Variants in LSAMP observed in about 807,000 individuals in gnomAD.
LSAMP encodes limbic system-associated membrane protein.
In LSAMP, 7 loss-of-function variants were observed where a neutral mutation model predicts 38.6. That is an observed-to-expected ratio of 0.18 (90% CI 0.10 to 0.34). The LOEUF (loss-of-function observed/expected upper bound fraction) is 0.34. LSAMP is among the 10% of genes least tolerant of loss of function. LSAMP has a pLI of 1.00. For synonymous variants in LSAMP, 154 were observed against 166.8 expected, an observed-to-expected ratio of 0.92 and a Z score of 0.59; for missense variants, 313 against 420.0, an observed-to-expected ratio of 0.75 and a Z score of 2.23.
chr3:115,818,038 A>G (rs1934086636), intron 6 of LSAMP, among the ~76,000 whole-genome samples: 1 of 152,220 alleles, frequency 6.6e-6, no homozygotes, highest in South Asian at 2.1e-4. Flanking sequence ...TGAGGCCCAG[A>G]GAGGTCATTT....
intron 1 of LSAMP, among the ~76,000 whole-genome samples, chr3:116,332,120 A>G (rs956782442): frequency 6.6e-6 from 1 of 152,096 alleles, no homozygotes; most frequent in African/African-American, 2.4e-5. Flanking sequence ...GATTACAGGC[A>G]TGAGCCACCA....
chr3:115,913,219 GA>G (rs34004172), intron 3 of LSAMP, among the ~76,000 whole-genome samples: 2 of 152,096 alleles, frequency 1.3e-5, no homozygotes, highest in Admixed American at 6.5e-5. Context: ...TAAATTAAGA[GA>G]AAAAAACTGG....
At chr3:115,928,973 G>GT (rs67711628) in intron 3 of LSAMP, among the ~76,000 whole-genome samples, 7,555 of 109,878 alleles carry the variant, frequency 0.069, 472 homozygotes, top group African/African-American at 0.09. Flanking sequence ...TTTTTTGTTT[G>GT]TTTTTTTTTT....
At chr3:116,305,783 A>G (rs1316369282) in intron 1 of LSAMP, among the ~76,000 whole-genome samples, 1 of 151,984 alleles carries the variant, frequency 6.6e-6, no homozygotes, top group African/African-American at 2.4e-5. Context: ...AGATAATAGA[A>G]AAAAAAGGAC....
chr3:116,061,180 A>G (rs936006075), intron 2 of LSAMP, among the ~76,000 whole-genome samples: 1 of 152,130 alleles, frequency 6.6e-6, no homozygotes, highest in East Asian at 1.9e-4. Context: ...AAGCAAACAG[A>G]AGCTTTTCTG....
At chr3:116,295,482 C>T (rs1559817423) in intron 1 of LSAMP, among the ~76,000 whole-genome samples, 1 of 152,182 alleles carries the variant, frequency 6.6e-6, no homozygotes, top group African/African-American at 2.4e-5. Context: ...GGTAAGTGTA[C>T]ACATTCTATA....
intron 2 of LSAMP, among the ~76,000 whole-genome samples, chr3:116,049,374 T>C (rs1020342330): frequency 2.6e-5 from 4 of 152,196 alleles, no homozygotes; most frequent in Admixed American, 1.3e-4. Context: ...GTGCCATTTT[T>C]CCCAGTGACA....
At chr3:116,130,045 C>A (rs1709090374) in intron 1 of LSAMP, among the ~76,000 whole-genome samples, 1 of 152,158 alleles carries the variant, frequency 6.6e-6, no homozygotes, top group Non-Finnish European at 1.5e-5. Context: ...CTTTTCCAAG[C>A]ATATCTAGGA....
intron 1 of LSAMP, among the ~76,000 whole-genome samples, chr3:116,297,033 G>C (rs1210436024): frequency 6.6e-6 from 1 of 152,120 alleles, no homozygotes; most frequent in South Asian, 2.1e-4. Context: ...GAAGTAAAAA[G>C]TATGGAAAGA....
intron 1 of LSAMP, among the ~76,000 whole-genome samples, chr3:116,168,085 T>A (rs897286140): frequency 3.9e-5 from 6 of 152,226 alleles, no homozygotes; most frequent in South Asian, 4.2e-4. Flanking sequence ...AAGTATTTTT[T>A]AAAAAATATT....
intron 2 of LSAMP, among the ~76,000 whole-genome samples, chr3:116,057,076 T>C (rs1397408219): frequency 6.6e-6 from 1 of 152,206 alleles, no homozygotes; most frequent in African/African-American, 2.4e-5. Context: ...GCAACTGCTG[T>C]GACCTCTTCT....
At position 115,804,178 on chromosome 3, in the gene LSAMP, G is replaced by A. The variant is rs1230391405; in HGVS notation, c.*6139C>T. ...CAGTTTTGGGTTTAGAAATGAAGAC[G>A]GTAGAATGATAGTTCTGAGAAGTGA... On this transcript the variant is annotated 3_prime_UTR_variant, in exon 7 of 7. Coordinates refer to ENST00000490035, the MANE Select transcript of LSAMP (RefSeq NM_002338.5). 2 of 152,130 alleles carry A rather than the reference G, an allele frequency of 1.3e-5. No individual in the cohort carries two copies. Among genetic ancestry groups the A allele is most frequent in the Non-Finnish European group, 2.9e-5 (2 of 68,008 alleles). The allele number at this position is 152,130 out of a possible 1,614,324, so 9.4% of individuals were successfully genotyped here.
intron 1 of LSAMP, among the ~76,000 whole-genome samples, chr3:116,225,357 A>G (rs2107621123): frequency 6.6e-6 from 1 of 152,274 alleles, no homozygotes. Flanking sequence ...TCTGGGAGCT[A>G]CCAGAAGTCG....
chr3:116,189,311 C>A (rs772791102), intron 1 of LSAMP, among the ~76,000 whole-genome samples: 2 of 152,054 alleles, frequency 1.3e-5, no homozygotes, highest in Non-Finnish European at 2.9e-5. Context: ...GTGGTGTTGG[C>A]ATTTTTGCAG....
chr3:116,221,844 A>AGTGTGT (rs58596077), intron 1 of LSAMP, among the ~76,000 whole-genome samples: 67,877 of 145,182 alleles, frequency 0.47, 16,371 homozygotes, highest in East Asian at 0.63. Flanking sequence ...CCTAAAAAGA[A>AGTGTGT]GTGTGTGTGT....
At chr3:116,190,018 G>A (rs1023959138) in intron 1 of LSAMP, among the ~76,000 whole-genome samples, 1 of 149,856 alleles carries the variant, frequency 6.7e-6, no homozygotes, top group African/African-American at 2.5e-5. Context: ...ACCTTTCAAT[G>A]TAAAAAATAA....
At chr3:115,998,841 G>A (rs1939903922) in intron 3 of LSAMP, among the ~76,000 whole-genome samples, 1 of 152,062 alleles carries the variant, frequency 6.6e-6, no homozygotes, top group Non-Finnish European at 1.5e-5. Context: ...CTGCCTGGTA[G>A]GATAACATCT....
chr3:116,043,363 A>G (rs572428533), intron 2 of LSAMP, among the ~76,000 whole-genome samples: 3 of 152,182 alleles, frequency 2.0e-5, no homozygotes, highest in African/African-American at 7.2e-5. Flanking sequence ...GATAATACAT[A>G]ATTATGAAAA....
chr3:116,150,578 A>G (rs1322531549), intron 1 of LSAMP, among the ~76,000 whole-genome samples: 1 of 151,996 alleles, frequency 6.6e-6, no homozygotes, highest in Non-Finnish European at 1.5e-5. Flanking sequence ...GGCCAGAGAA[A>G]AAGCTAGAGT....
Sources: allele counts gnomAD v4.1 joint callset (sites outside exome capture counted in the v4.1 genomes callset), GRCh38; gene constraint gnomAD v4.1.1; transcripts MANE v1.5; gene names NCBI Gene and HGNC (gene_info 2026-07-23, HGNC 2026-07-21).